Variants in DMD observed in about 807,000 individuals in gnomAD.
DMD encodes the protein dystrophin, also known as mutant dystrophin.
Under a neutral mutation model 330.1 loss-of-function variants are expected in DMD, and 63 were observed. That is an observed-to-expected ratio of 0.19 (90% CI 0.16 to 0.24). The LOEUF (loss-of-function observed/expected upper bound fraction) is 0.24, where lower values mean the gene tolerates loss of function less well. DMD is among the 10% of genes least tolerant of loss of function. The pLI, the probability that DMD is intolerant of heterozygous loss-of-function variation, is 1.00. For missense variants in DMD, 3,344 were observed against 2,684.1 expected (o/e 1.25, Z -5.43); for synonymous variants, 1,223 against 959.8 (o/e 1.27, Z -5.07).
chrX:32,292,302 C>CTTTTTTTTTTTTTTTTTTTTTTTTTTTTT lies in DMD; in HGVS notation c.6118-4602_6118-4601insAAAAAAAAAAAAAAAAAAAAAAAAAAAAA, dbSNP rs10652780. Reference sequence around the variant, plus strand: ...AACAAATATCAACAAAGGGAATATTCTTTTTTTTTTTTTTTTGAGATGGAG... The same window carrying CTTTTTTTTTTTTTTTTTTTTTTTTTTTTT: ...AACAAATATCAACAAAGGGAATATTCTTTTTTTTTTTTTTTTTTTTTTTTTTTTTTTTTTTTTTTTTTTTTGAGATGGAG... On this transcript the variant is annotated intron_variant, in intron 42 of 78. Coordinates refer to ENST00000357033, the MANE Select transcript of DMD (RefSeq NM_004006.3). Among the ~76,000 whole-genome samples, 21 of 62,909 alleles carry CTTTTTTTTTTTTTTTTTTTTTTTTTTTTT rather than the reference C, an allele frequency of 3.3e-4. 3 individuals carry two copies. Among genetic ancestry groups the CTTTTTTTTTTTTTTTTTTTTTTTTTTTTT allele is most frequent in the Non-Finnish European group, 4.3e-4 (16 of 37,532 alleles). The allele number at this position is 62,909 out of a possible 115,157, so 54.6% of individuals were successfully genotyped here. A position where few individuals can be genotyped will look rare whatever the true frequency, so the allele number is the denominator to read the frequency against.
At chrX:32,426,473 A>G (rs1254874594) in intron 29 of DMD, among the ~76,000 whole-genome samples, 2 of 111,542 alleles carry the variant, frequency 1.8e-5, no homozygotes, top group South Asian at 3.8e-4. Context: ...AAAATGTCAA[A>G]AAATAACAGA....
chrX:32,467,870 A>G (rs73207758), intron 23 of DMD, among the ~76,000 whole-genome samples: 58 of 109,992 alleles, frequency 5.3e-4, no homozygotes, highest in Non-Finnish European at 4.2e-4. Flanking sequence ...AATTTCTGCT[A>G]ATTTCTTAGG....
intron 47 of DMD, among the ~76,000 whole-genome samples, chrX:31,892,964 G>T (rs759963726): frequency 9.0e-6 from 1 of 111,505 alleles, no homozygotes; most frequent in South Asian, 3.7e-4. Context: ...TTTTAATGTG[G>T]CCATTAAGAT....
intron 44 of DMD, among the ~76,000 whole-genome samples, chrX:32,107,021 T>C (rs1432669795): frequency 8.9e-6 from 1 of 111,950 alleles, no homozygotes; most frequent in Non-Finnish European, 1.9e-5. Flanking sequence ...CTAATATTTT[T>C]ATGGTGTGAG....
At chrX:31,421,578 C>T (rs1227833792) in intron 60 of DMD, among the ~76,000 whole-genome samples, 4 of 110,948 alleles carry the variant, frequency 3.6e-5, no homozygotes, top group African/African-American at 1.3e-4. Context: ...AAATAATCCC[C>T]AAAATGAGCT....
chrX:31,794,049 G>GA (rs1053418455), intron 50 of DMD, among the ~76,000 whole-genome samples: 10 of 108,055 alleles, frequency 9.3e-5, no homozygotes, highest in Non-Finnish European at 1.2e-4. Context: ...TCTATATCTT[G>GA]AAAAAAAAAA....
intron 13 of DMD, among the ~76,000 whole-genome samples, chrX:32,586,441 A>AAATAAATAT (rs2054297075): frequency 9.2e-6 from 1 of 108,597 alleles, no homozygotes; most frequent in Non-Finnish European, 1.9e-5. Context: ...GTGCTAAAAT[A>AAATAAATAT]AATAAATATA....
intron 41 of DMD, among the ~76,000 whole-genome samples, chrX:32,334,862 T>C (rs1200822787): frequency 8.9e-6 from 1 of 111,778 alleles, no homozygotes; most frequent in Admixed American, 9.6e-5. Flanking sequence ...GAAAGTTTGC[T>C]TAATCTACTG....
intron 55 of DMD, among the ~76,000 whole-genome samples, chrX:31,545,331 G>A (rs1011434749): frequency 1.8e-5 from 2 of 111,643 alleles, no homozygotes; most frequent in East Asian, 2.8e-4. Context: ...GATGAATATC[G>A]CTGCTGCCAT....
rs1423227546 is a variant in DMD, at chrX:32,066,713, A to G, written c.6439-98199T>C. Among the ~76,000 whole-genome samples, 5 of 111,532 alleles carry G rather than the reference A, an allele frequency of 4.5e-5. 1 individual carries two copies. The South Asian group carries it at 1.9e-3, about 42-fold the overall frequency. ...TATATTTGGGTGCTGAAGAGATAAT[A>G]ATAATGAACACACTTACGAAATAAA... On this transcript the variant is annotated intron_variant, in intron 44 of 78. Transcript: ENST00000357033.
intron 2 of DMD, among the ~76,000 whole-genome samples, chrX:32,947,383 C>T (rs1473402154): frequency 2.7e-5 from 3 of 111,845 alleles, no homozygotes; most frequent in African/African-American, 9.7e-5. Context: ...AAATAGACAT[C>T]TTTATCATAA....
intron 26 of DMD, among the ~76,000 whole-genome samples, chrX:32,450,234 G>A (rs914133235): frequency 3.3e-4 from 37 of 110,695 alleles, no homozygotes; most frequent in Non-Finnish European, 5.9e-4. Flanking sequence ...GGCAGGATAT[G>A]GATAAGGTCA....
chrX:31,562,457 A>G (rs926061993), intron 55 of DMD, among the ~76,000 whole-genome samples: 1 of 112,136 alleles, frequency 8.9e-6, no homozygotes, highest in African/African-American at 3.2e-5. Context: ...CTCTTCCATT[A>G]AAAATTATCA....
chrX:32,291,714 T>A (rs2097470380), intron 42 of DMD, among the ~76,000 whole-genome samples: 1 of 111,864 alleles, frequency 8.9e-6, no homozygotes, highest in South Asian at 3.7e-4. Flanking sequence ...TGTGCATAAG[T>A]GATCAGTTCA....
At chrX:31,635,757 A>G (rs774223195) in intron 54 of DMD, among the ~76,000 whole-genome samples, 5 of 111,798 alleles carry the variant, frequency 4.5e-5, no homozygotes, top group Non-Finnish European at 7.5e-5. Context: ...CTTGTGGTTA[A>G]TAATACACAT....
intron 47 of DMD, among the ~76,000 whole-genome samples, chrX:31,926,399 G>A (rs1016956600): frequency 5.4e-5 from 6 of 111,278 alleles, no homozygotes; most frequent in African/African-American, 2.0e-4. Flanking sequence ...TGTACAGGCC[G>A]GGCGCGGTGG....
chrX:32,231,752 A>C (rs941067833), intron 43 of DMD, among the ~76,000 whole-genome samples: 2 of 111,631 alleles, frequency 1.8e-5, no homozygotes, highest in African/African-American at 6.5e-5. Flanking sequence ...CACACATAAA[A>C]GTTTTCATTT....
At chrX:32,679,481 G>A (rs1204150438) in intron 9 of DMD, among the ~76,000 whole-genome samples, 1 of 111,094 alleles carries the variant, frequency 9.0e-6, no homozygotes, top group African/African-American at 3.3e-5. Context: ...TTAAGTGAAT[G>A]AACAAAATTG....
In DMD at chrX:31,298,390, A is replaced by AAC. The variant is rs760738765; in HGVS notation, c.9224+25206_9224+25207dup. 4.5e-3 allele frequency among the ~76,000 whole-genome samples: 369 copies of AAC among 81,385 alleles called. 4 individuals carry two copies. Among genetic ancestry groups the AAC allele is most frequent in the African/African-American group, 0.02 (314 of 15,816 alleles). The allele number at this position is 81,385 out of a possible 115,157, so 70.7% of individuals were successfully genotyped here. A position where few individuals can be genotyped will look rare whatever the true frequency, so the allele number is the denominator to read the frequency against. On this transcript the variant is annotated intron_variant, in intron 62 of 78. Coordinates refer to ENST00000357033, the MANE Select transcript of DMD (RefSeq NM_004006.3). The stretch of plus-strand genomic sequence containing the variant: ...AAGTTTCCCAGAATATTAGAATTCA[A>AAC]ACACACACACACACACACATACACA...
Sources: allele counts gnomAD v4.1 joint callset (sites outside exome capture counted in the v4.1 genomes callset), GRCh38; gene constraint gnomAD v4.1.1; transcripts MANE v1.5; gene names NCBI Gene and HGNC (gene_info 2026-07-23, HGNC 2026-07-21).